Variants in TNFRSF13B observed in about 807,000 individuals in gnomAD.
The protein encoded by TNFRSF13B is tumor necrosis factor receptor superfamily member 13B.
In TNFRSF13B, 34 loss-of-function variants were observed where a neutral mutation model predicts 24.0. The ratio of observed to expected loss-of-function variants is 1.41; its 90% CI spans 1.08 to 1.88. The LOEUF (loss-of-function observed/expected upper bound fraction) is 1.88. Among genes scored for constraint, TNFRSF13B ranks in the 40% most tolerant of loss-of-function variants. The pLI, the probability that TNFRSF13B is intolerant of heterozygous loss-of-function variation, is 0.00. For missense variants in TNFRSF13B, 415 were observed against 380.8 expected (o/e 1.09, Z -0.75); for synonymous variants, 173 against 150.3 (o/e 1.15, Z -1.10).
At chr17:16,954,574 G>T (rs187643792) in intron 1 of TNFRSF13B, among the ~76,000 whole-genome samples, 12 of 152,306 alleles carry the variant, frequency 7.9e-5, no homozygotes, top group African/African-American at 2.9e-4. Flanking sequence ...GGAGATGGAG[G>T]AACCAGAGTG....
chr17:16,956,432 C>T (rs562650720), intron 1 of TNFRSF13B, among the ~76,000 whole-genome samples: 29 of 152,158 alleles, frequency 1.9e-4, no homozygotes, highest in African/African-American at 5.5e-4. Context: ...TTTCCAGGGA[C>T]GTCTATATAT....
Position 16,966,832 on chromosome 17 carries a change from C to CTTTTTTTTTTTTT in TNFRSF13B, c.61+5182_61+5183insAAAAAAAAAAAAA, listed in dbSNP as rs796602708. The stretch of plus-strand genomic sequence containing the variant: ...TTGGTTTTTTTTGTTTTTTCTTTTT[C>CTTTTTTTTTTTTT]TTTTTTCTTTTTTTTTTTTTTTTTG... On this transcript the variant is annotated intron_variant, in intron 1 of 4. Coordinates refer to ENST00000261652, the MANE Select transcript of TNFRSF13B (RefSeq NM_012452.3). Among the ~76,000 whole-genome samples, 2 of 95,848 alleles carry CTTTTTTTTTTTTT rather than the reference C, an allele frequency of 2.1e-5. 1 individual carries two copies. Among genetic ancestry groups the CTTTTTTTTTTTTT allele is most frequent in the Admixed American group, 2.5e-4 (2 of 7,934 alleles). 62.9% of individuals were successfully genotyped at this position (95,848 alleles called of 152,430 possible). A position where few individuals can be genotyped will look rare whatever the true frequency, so the allele number is the denominator to read the frequency against.
At chr17:16,953,499 A>T (rs1435996166) in intron 1 of TNFRSF13B, among the ~76,000 whole-genome samples, 1 of 152,142 alleles carries the variant, frequency 6.6e-6, no homozygotes, top group Non-Finnish European at 1.5e-5. Context: ...CCGACACCCA[A>T]TGCCCATGCC....
chr17:16,948,704 G>A (rs377400511), intron 3 of TNFRSF13B, 34 bp downstream of exon 3: 92 of 1,612,664 alleles, frequency 5.7e-5, no homozygotes, highest in Admixed American at 1.8e-4. Context: ...CTCACCCTGC[G>A]TGACACCATG....
At chr17:16,967,770 A>AAAAAAAAAAAAAAAG (rs1567657178) in intron 1 of TNFRSF13B, among the ~76,000 whole-genome samples, 1 of 146,606 alleles carries the variant, frequency 6.8e-6, no homozygotes, top group African/African-American at 2.6e-5. Context: ...AAAAAAAAAA[A>AAAAAAAAAAAAAAAG]AAGAAAGAAA....
At chr17:16,941,177 C>G in intron 3 of TNFRSF13B, 1 of 965,370 alleles carries the variant, frequency 1.0e-6, no homozygotes, top group Non-Finnish European at 1.2e-6. Flanking sequence ...GCAACTATCC[C>G]CTATCTTTTC....
At chr17:16,944,829 G>A (rs560441193) in intron 3 of TNFRSF13B, among the ~76,000 whole-genome samples, 2 of 152,236 alleles carry the variant, frequency 1.3e-5, no homozygotes, top group South Asian at 2.1e-4. Context: ...GACAGGGAAC[G>A]GCAGAATTCA....
At chr17:16,968,603 G>A (rs1567657444) in intron 1 of TNFRSF13B, among the ~76,000 whole-genome samples, 1 of 152,160 alleles carries the variant, frequency 6.6e-6, no homozygotes, top group Non-Finnish European at 1.5e-5. Context: ...TAAAACCACA[G>A]AACTCATAGA....
chr17:16,965,166 G>C (rs2087691006), intron 1 of TNFRSF13B, among the ~76,000 whole-genome samples: 1 of 151,742 alleles, frequency 6.6e-6, no homozygotes, highest in African/African-American at 2.4e-5. Flanking sequence ...AATTACAGTG[G>C]TGCAATCATA....
chr17:16,958,968 A>G (rs1409062926), intron 1 of TNFRSF13B, among the ~76,000 whole-genome samples: 1 of 152,110 alleles, frequency 6.6e-6, no homozygotes, highest in African/African-American at 2.4e-5. Context: ...ATTAGACATC[A>G]CAGACATATA....
intron 3 of TNFRSF13B, among the ~76,000 whole-genome samples, chr17:16,942,518 CAG>C (rs904804293): frequency 1.3e-5 from 2 of 152,110 alleles, no homozygotes; most frequent in African/African-American, 4.8e-5. Context: ...GCCCAGAGCT[CAG>C]AGAGGCCTAA....
At chr17:16,950,780 C>T (rs1249636999) in intron 2 of TNFRSF13B, among the ~76,000 whole-genome samples, 2 of 152,126 alleles carry the variant, frequency 1.3e-5, no homozygotes, top group African/African-American at 4.8e-5. Context: ...CCTCCCCCGC[C>T]TGGGACTCAG....
intron 1 of TNFRSF13B, among the ~76,000 whole-genome samples, chr17:16,965,563 T>G (rs892634293): frequency 1.3e-5 from 2 of 152,228 alleles, no homozygotes; most frequent in Non-Finnish European, 2.9e-5. Context: ...ATTCTTGCAC[T>G]GTGCTGATAG....
At position 16,948,818 on chromosome 17, in the gene TNFRSF13B, C is replaced by T. The variant is rs755343222; in HGVS notation, c.365G>A (p.Arg122Gln). The change falls in exon 3 of 5, where the codon CGG (arginine) becomes CAG (glutamine). Residue 122 changes from arginine (R) to glutamine (Q), a missense_variant. By Grantham distance (43) the Arg-to-Gln change is conservative. Coordinates refer to ENST00000261652, the MANE Select transcript of TNFRSF13B (RefSeq NM_012452.3). Reference sequence around the variant, plus strand: ...TGAATTGTTTTCAACTTCTCCACTCCGCTGTCTCCTGAGCTCTGGTGGAAG... The same window carrying T: ...TGAATTGTTTTCAACTTCTCCACTCTGCTGTCTCCTGAGCTCTGGTGGAAG... ...VNLPPELRRQ[R>Q]SGEVENNSDN... The T allele has an allele frequency of 3.0e-5, 48 of 1,614,218 alleles. No homozygotes were observed. The highest frequency in any genetic ancestry group is 5.5e-5 in the South Asian group (5 of 91,090).
In TNFRSF13B at chr17:16,950,440, G is replaced by C. The variant is rs184211034; in HGVS notation, c.200-1457C>G. ...TTTGAGCCTCTTCACAAAGCAAACAGATCCGTTCTTGTGTCTTTGACAGAG... is the reference window on the plus strand; with the variant it reads ...TTTGAGCCTCTTCACAAAGCAAACACATCCGTTCTTGTGTCTTTGACAGAG... On this transcript the variant is annotated intron_variant, in intron 2 of 4. Coordinates refer to ENST00000261652, the MANE Select transcript of TNFRSF13B (RefSeq NM_012452.3). Among the ~76,000 whole-genome samples, 29 of 152,384 alleles carry C rather than the reference G, an allele frequency of 1.9e-4. No individual in the cohort carries two copies. The East Asian group carries it at 5.6e-3, about 29-fold the overall frequency.
At chr17:16,944,001 C>T (rs978114390) in intron 3 of TNFRSF13B, among the ~76,000 whole-genome samples, 46 of 152,200 alleles carry the variant, frequency 3.0e-4, no homozygotes, top group African/African-American at 1.1e-3. Context: ...TTCAGTCCAG[C>T]TTGGGAGCCT....
intron 3 of TNFRSF13B, chr17:16,941,060 A>G (rs1204784756): frequency 6.8e-6 from 4 of 589,484 alleles, no homozygotes; most frequent in Non-Finnish European, 6.5e-6. Flanking sequence ...TCATCTCTAG[A>G]TTACTTATAA....
At chr17:16,954,324 A>G (rs2087610451) in intron 1 of TNFRSF13B, among the ~76,000 whole-genome samples, 1 of 152,152 alleles carries the variant, frequency 6.6e-6, no homozygotes, top group African/African-American at 2.4e-5. Flanking sequence ...TTCAAGGCTG[A>G]GGTGAGCTAT....
chr17:16,942,333 C>G (rs1212032252), intron 3 of TNFRSF13B, among the ~76,000 whole-genome samples: 1 of 152,204 alleles, frequency 6.6e-6, no homozygotes, highest in Non-Finnish European at 1.5e-5. Context: ...GGCCCCAGGG[C>G]TGGCACTGCC....
Sources: allele counts gnomAD v4.1 joint callset (sites outside exome capture counted in the v4.1 genomes callset), GRCh38; gene constraint gnomAD v4.1.1; transcripts MANE v1.5; gene names NCBI Gene and HGNC (gene_info 2026-07-23, HGNC 2026-07-21).